The following BNC2 variants were observed in gnomAD, a reference collection of about 807,000 sequenced individuals.
The protein encoded by BNC2 is basonuclin zinc finger protein 2.
BNC2 carries 20 observed loss-of-function variants against 76.3 expected under a neutral mutation model. The observed-to-expected ratio is 0.26, with a 90% CI of 0.18 to 0.38. The LOEUF is 0.38. BNC2 is among the 10% of genes least tolerant of loss of function. BNC2 has a pLI of 1.00. For synonymous variants in BNC2, 582 were observed against 514.8 expected (o/e 1.13, Z -1.77); for missense variants, 1,382 against 1,399.8 (o/e 0.99, Z 0.20).
intron 3 of BNC2, among the ~76,000 whole-genome samples, chr9:16,682,333 T>C (rs1224261957): frequency 6.6e-6 from 1 of 150,568 alleles, no homozygotes; most frequent in Admixed American, 6.6e-5. Flanking sequence ...TTCATAGTGA[T>C]CGACAGACTT....
intron 1 of BNC2, among the ~76,000 whole-genome samples, chr9:16,832,726 CT>C (rs374753990): frequency 0.021 from 3,120 of 148,774 alleles, 100 homozygotes; most frequent in African/African-American, 0.072. Flanking sequence ...ATCCAAATTC[CT>C]TTTTTTTTTC....
At position 16,525,545 on chromosome 9, in the gene BNC2, A is replaced by G. The variant is rs144150272; in HGVS notation, c.669+26985T>C. Among the ~76,000 whole-genome samples the G allele has an allele frequency of 2.6e-5, 4 of 152,344 alleles. No individual in the cohort carries two copies. The East Asian group carries it at 7.7e-4, about 29-fold the overall frequency. ...GAAATGCAAATAAAAGCAATGTACTACCATTTATCCCCTATCAACAACCAG... is the reference window on the plus strand; with the variant it reads ...GAAATGCAAATAAAAGCAATGTACTGCCATTTATCCCCTATCAACAACCAG... On this transcript the variant is annotated intron_variant, in intron 5 of 6. Transcript: ENST00000380672.
At chr9:16,784,451 GAA>G (rs1208674059) in intron 1 of BNC2, among the ~76,000 whole-genome samples, 1 of 152,130 alleles carries the variant, frequency 6.6e-6, no homozygotes, top group Non-Finnish European at 1.5e-5. Context: ...AGTGCCTTAA[GAA>G]AAAGACTGCA....
In BNC2 at chr9:16,506,839, C is replaced by A. The variant is rs567380408; in HGVS notation, c.669+45691G>T. ...CAATCTGGGCTCACTGCCTCCTCTG[C>A]CTCCTGGGTTCAAGTGATGCTCCTG... On this transcript the variant is annotated intron_variant, in intron 5 of 6. Transcript: ENST00000380672. 1.1e-4 allele frequency among the ~76,000 whole-genome samples: 16 copies of A among 152,028 alleles called. No homozygotes were observed. The South Asian group carries it at 3.3e-3, about 32-fold the overall frequency.
chr9:16,810,136 G>A (rs1410271673), intron 1 of BNC2, among the ~76,000 whole-genome samples: 1 of 152,114 alleles, frequency 6.6e-6, no homozygotes, highest in Non-Finnish European at 1.5e-5. Context: ...GGTAACTTAT[G>A]GTTAAAAACT....
intron 3 of BNC2, among the ~76,000 whole-genome samples, chr9:16,688,441 A>G (rs1426193538): frequency 6.6e-6 from 1 of 152,214 alleles, no homozygotes; most frequent in Non-Finnish European, 1.5e-5. Context: ...TTAGGATAAT[A>G]AAATATGGGG....
intron 1 of BNC2, among the ~76,000 whole-genome samples, chr9:16,760,406 C>CTTTAAAT (rs1825519488): frequency 6.6e-6 from 1 of 152,112 alleles, no homozygotes; most frequent in African/African-American, 2.4e-5. Flanking sequence ...GTTTATGGTC[C>CTTTAAAT]TTTAAAGTTC....
chr9:16,787,283 C>G (rs1826321721), intron 1 of BNC2, among the ~76,000 whole-genome samples: 1 of 152,192 alleles, frequency 6.6e-6, no homozygotes, highest in South Asian at 2.1e-4. Flanking sequence ...CATCTCAGAG[C>G]CCTCTCTAGA....
intron 3 of BNC2, among the ~76,000 whole-genome samples, chr9:16,653,823 T>C (rs1587277291): frequency 6.6e-6 from 1 of 152,304 alleles, no homozygotes; most frequent in Non-Finnish European, 1.5e-5. Context: ...ACAACAAACA[T>C]GCAGCGTCTG....
chr9:16,767,319 T>TC (rs1432741624), intron 1 of BNC2, among the ~76,000 whole-genome samples: 1 of 152,166 alleles, frequency 6.6e-6, no homozygotes, highest in Admixed American at 6.5e-5. Context: ...GTTTGGGCAG[T>TC]CCTCAGTACT....
chr9:16,632,322 G>A (rs998045427), intron 3 of BNC2, among the ~76,000 whole-genome samples: 5 of 151,780 alleles, frequency 3.3e-5, no homozygotes, highest in African/African-American at 1.2e-4. Flanking sequence ...TTCACTTTCC[G>A]TGGATCCCCC....
chr9:16,793,228 T>G (rs1478981195), intron 1 of BNC2, among the ~76,000 whole-genome samples: 1 of 152,130 alleles, frequency 6.6e-6, no homozygotes, highest in Non-Finnish European at 1.5e-5. Flanking sequence ...TCTCAACACT[T>G]TACATTCTTT....
intron 1 of BNC2, among the ~76,000 whole-genome samples, chr9:16,742,296 A>G (rs933251074): frequency 5.3e-5 from 8 of 152,242 alleles, no homozygotes; most frequent in African/African-American, 1.9e-4. Context: ...TCATTAATAA[A>G]CATAAGACAA....
chr9:16,494,341 TG>T (rs1822340579), intron 5 of BNC2, among the ~76,000 whole-genome samples: 2 of 151,934 alleles, frequency 1.3e-5, no homozygotes, highest in African/African-American at 4.8e-5. Flanking sequence ...TTAGTAGAGA[TG>T]GGGTTTCACC....
chr9:16,820,412 G>A (rs1445880570), intron 1 of BNC2, among the ~76,000 whole-genome samples: 1 of 151,470 alleles, frequency 6.6e-6, no homozygotes, highest in African/African-American at 2.4e-5. Context: ...GGCAACAAGA[G>A]CAAAATTTCG....
At chr9:16,761,624 T>G (rs1825553747) in intron 1 of BNC2, among the ~76,000 whole-genome samples, 2 of 152,236 alleles carry the variant, frequency 1.3e-5, no homozygotes, top group South Asian at 4.1e-4. Flanking sequence ...AACATACTCG[T>G]AAGTTCAGGA....
chr9:16,533,205 G>A lies in BNC2; in HGVS notation c.669+19325C>T, dbSNP rs117283449. Among the ~76,000 whole-genome samples the A allele has an allele frequency of 1.6e-3, 248 of 152,144 alleles. 1 individual carries two copies. The highest frequency in any genetic ancestry group is 3.4e-3 in the Middle Eastern group (1 of 294). On this transcript the variant is annotated intron_variant, in intron 5 of 6. Coordinates refer to ENST00000380672, the MANE Select transcript of BNC2 (RefSeq NM_017637.6). Reference sequence around the variant, plus strand: ...AAACATAACATGGAGCATGATTTCTGGATATGAAAAACATTAGATATGACA... The same window carrying A: ...AAACATAACATGGAGCATGATTTCTAGATATGAAAAACATTAGATATGACA...
intron 5 of BNC2, among the ~76,000 whole-genome samples, chr9:16,449,705 A>G (rs1474114324): frequency 2.6e-5 from 4 of 152,196 alleles, no homozygotes; most frequent in Middle Eastern, 3.2e-3. Context: ...AGCGGATCAC[A>G]ATTAGTAAAA....
At chr9:16,728,055 GTAGTT>G in intron 2 of BNC2, 58 bp from the exon 3 acceptor site, 1 of 1,333,344 alleles carries the variant, frequency 7.5e-7, no homozygotes, top group Non-Finnish European at 1.0e-6. Context: ...GGAGTGTAGT[GTAGTT>G]AAGAAGCTGG....
Sources: allele counts gnomAD v4.1 joint callset (sites outside exome capture counted in the v4.1 genomes callset), GRCh38; gene constraint gnomAD v4.1.1; transcripts MANE v1.5; gene names NCBI Gene and HGNC (gene_info 2026-07-23, HGNC 2026-07-21).